The following ASB3 variants were observed in gnomAD, a reference collection of about 807,000 sequenced individuals.
The protein encoded by ASB3 is ankyrin repeat and SOCS box protein 3.
ASB3 carries 41 observed loss-of-function variants against 54.5 expected under a neutral mutation model. The ratio of observed to expected loss-of-function variants is 0.75; its 90% CI spans 0.59 to 0.98. ASB3 has a LOEUF of 0.98. Among genes scored for constraint, ASB3 ranks in the 50% least tolerant of loss-of-function variants. The probability of loss-of-function intolerance (pLI) is 0.00; values close to 1 mark genes in which losing one functional copy is unlikely to be tolerated. For missense variants in ASB3, 733 were observed against 620.0 expected (o/e 1.18, Z -1.94); for synonymous variants, 266 against 221.2 (o/e 1.20, Z -1.80).
chr2:53,691,175 T>C (rs183653636), intron 9 of ASB3, among the ~76,000 whole-genome samples: 2 of 152,346 alleles, frequency 1.3e-5, no homozygotes, highest in Non-Finnish European at 2.9e-5. Context: ...TCTGACTCAA[T>C]GATTAAAAGA....
chr2:53,756,405 T>C (rs1672829955), intron 2 of ASB3, among the ~76,000 whole-genome samples: 1 of 152,210 alleles, frequency 6.6e-6, no homozygotes, highest in African/African-American at 2.4e-5. Flanking sequence ...AGCATACAAT[T>C]TAGCAGTATC....
At chr2:53,705,708 T>A (rs190353827) in intron 7 of ASB3, among the ~76,000 whole-genome samples, 1 of 152,342 alleles carries the variant, frequency 6.6e-6, no homozygotes, top group East Asian at 1.9e-4. Flanking sequence ...ACATGAATGT[T>A]AGACCTGTTG....
chr2:53,754,863 A>C (rs1672727546), intron 2 of ASB3, among the ~76,000 whole-genome samples: 1 of 152,186 alleles, frequency 6.6e-6, no homozygotes, highest in South Asian at 2.1e-4. Context: ...CACCCACTAT[A>C]AATTAGTTTT....
intron 5 of ASB3, among the ~76,000 whole-genome samples, chr2:53,725,672 C>T (rs780243286): frequency 6.6e-6 from 1 of 152,036 alleles, no homozygotes; most frequent in Non-Finnish European, 1.5e-5. Context: ...GTGGAAAGAT[C>T]ATCATCAAGA....
intron 7 of ASB3, among the ~76,000 whole-genome samples, chr2:53,713,782 G>A (rs913569723): frequency 2.6e-5 from 4 of 151,966 alleles, no homozygotes; most frequent in Non-Finnish European, 4.4e-5. Flanking sequence ...GAGTGGTGGT[G>A]TACACCTGTA....
At chr2:53,780,152 A>T (rs553041645) in intron 1 of ASB3, among the ~76,000 whole-genome samples, 1 of 152,300 alleles carries the variant, frequency 6.6e-6, no homozygotes, top group Non-Finnish European at 1.5e-5. Context: ...GAGGTCAGTA[A>T]TCAAAATGTC....
chr2:53,689,704 T>C (rs745903745), intron 9 of ASB3, among the ~76,000 whole-genome samples: 44 of 152,216 alleles, frequency 2.9e-4, no homozygotes, highest in Admixed American at 7.2e-4. Context: ...AAATTTTTGC[T>C]TAAACTGGAT....
At chr2:53,746,763 A>T (rs1301253918) in intron 3 of ASB3, among the ~76,000 whole-genome samples, 1 of 152,276 alleles carries the variant, frequency 6.6e-6, no homozygotes, top group South Asian at 2.1e-4. Context: ...TACAAATGTG[A>T]GCTACCACAC....
chr2:53,729,623 G>A lies in ASB3; in HGVS notation c.356-53C>T. The A allele has an allele frequency of 7.3e-6, 11 of 1,498,132 alleles. No homozygotes were observed. The South Asian group carries it at 1.1e-4, about 16-fold the overall frequency. The allele number at this position is 1,498,132 out of a possible 1,614,324, so 92.8% of individuals were successfully genotyped here. A position where few individuals can be genotyped will look rare whatever the true frequency, so the allele number is the denominator to read the frequency against. ...TGTCAGCAAAAAGGCATGTTTGTAGGACTGGACACTTTGGTGATGTTCTCA... is the reference window on the plus strand; with the variant it reads ...TGTCAGCAAAAAGGCATGTTTGTAGAACTGGACACTTTGGTGATGTTCTCA... On this transcript the variant is annotated intron_variant, in intron 3 of 9. Transcript: ENST00000263634.
At chr2:53,767,819 G>GCTT (rs1243932923) in intron 1 of ASB3, 7 of 1,535,210 alleles carry the variant, frequency 4.6e-6, no homozygotes, top group African/African-American at 1.4e-5. Context: ...CTTACCGGAG[G>GCTT]CTTCAGTCCC....
At chr2:53,671,097 GCT>G (rs1667787492) in intron 9 of ASB3, among the ~76,000 whole-genome samples, 1 of 152,172 alleles carries the variant, frequency 6.6e-6, no homozygotes, top group Non-Finnish European at 1.5e-5. Flanking sequence ...TAGATGTACA[GCT>G]TGCAAGTTTT....
At chr2:53,713,717 A>G (rs1451455999) in intron 7 of ASB3, among the ~76,000 whole-genome samples, 4 of 152,152 alleles carry the variant, frequency 2.6e-5, no homozygotes, top group Non-Finnish European at 5.9e-5. Flanking sequence ...GTTCAAGACC[A>G]GCCTGGGCAA....
chr2:53,744,681 G>A lies in ASB3; in HGVS notation c.355+6102C>T, dbSNP rs74816614. ...AAGTTTTATTAACATAATATATAAAGAGATATGAATGTGAAACCACAAAAT... is the reference window on the plus strand; with the variant it reads ...AAGTTTTATTAACATAATATATAAAAAGATATGAATGTGAAACCACAAAAT... On this transcript the variant is annotated intron_variant, in intron 3 of 9. Coordinates refer to ENST00000263634, the MANE Select transcript of ASB3 (RefSeq NM_016115.5). Among the ~76,000 whole-genome samples, 291 of 151,996 alleles carry A rather than the reference G, an allele frequency of 1.9e-3. 1 individual carries two copies. The highest frequency in any genetic ancestry group is 0.01 in the Middle Eastern group (3 of 290).
chr2:53,740,614 C>T (rs1377956084), intron 3 of ASB3, among the ~76,000 whole-genome samples: 1 of 152,098 alleles, frequency 6.6e-6, no homozygotes, highest in East Asian at 1.9e-4. Flanking sequence ...CATGTCTGCC[C>T]AGTGGCTAAC....
At chr2:53,720,360 T>TA (rs1398157796) in intron 5 of ASB3, among the ~76,000 whole-genome samples, 1 of 152,216 alleles carries the variant, frequency 6.6e-6, no homozygotes, top group African/African-American at 2.4e-5. Flanking sequence ...CACATGCCCT[T>TA]AATGTTGGCA....
At chr2:53,692,517 T>C (rs977438856) in intron 9 of ASB3, among the ~76,000 whole-genome samples, 1 of 152,150 alleles carries the variant, frequency 6.6e-6, no homozygotes, top group African/African-American at 2.4e-5. Flanking sequence ...TGATGATTAT[T>C]ACCCTACACA....
At chr2:53,770,369 G>C (rs1376726878) in intron 1 of ASB3, among the ~76,000 whole-genome samples, 2 of 152,168 alleles carry the variant, frequency 1.3e-5, no homozygotes, top group East Asian at 3.9e-4. Flanking sequence ...GGATGATTTA[G>C]GCTCGCTATG....
chr2:53,709,929 G>A (rs1386637583), intron 7 of ASB3, among the ~76,000 whole-genome samples: 4 of 152,186 alleles, frequency 2.6e-5, no homozygotes, highest in Non-Finnish European at 4.4e-5. Flanking sequence ...ATGCCATGAG[G>A]ATACTGCAGC....
At chr2:53,683,378 T>A (rs1668477733) in intron 9 of ASB3, among the ~76,000 whole-genome samples, 1 of 152,168 alleles carries the variant, frequency 6.6e-6, no homozygotes, top group South Asian at 2.1e-4. Context: ...AGTATTTTGT[T>A]GAGTATCAAT....
Sources: allele counts gnomAD v4.1 joint callset (sites outside exome capture counted in the v4.1 genomes callset), GRCh38; gene constraint gnomAD v4.1.1; transcripts MANE v1.5; gene names NCBI Gene and HGNC (gene_info 2026-07-23, HGNC 2026-07-21).